Variants in TEX14 observed in about 807,000 individuals in gnomAD.
TEX14 encodes testis expressed 14, intercellular bridge forming factor.
Under a neutral mutation model 178.6 loss-of-function variants are expected in TEX14, and 168 were observed. That is an observed-to-expected ratio of 0.94 (90% CI 0.83 to 1.07). TEX14 has a LOEUF of 1.07. TEX14 is among the 50% of genes least tolerant of loss of function. The probability of loss-of-function intolerance (pLI) is 0.00; values close to 1 mark genes in which losing one functional copy is unlikely to be tolerated. For synonymous variants in TEX14, 626 were observed against 634.1 expected, an observed-to-expected ratio of 0.99 and a Z score of 0.19; for missense variants, 1,730 against 1,753.6, an observed-to-expected ratio of 0.99 and a Z score of 0.24.
chr17:58,623,634 A>G (rs2046056249), intron 3 of TEX14, among the ~76,000 whole-genome samples: 1 of 152,174 alleles, frequency 6.6e-6, no homozygotes, highest in Admixed American at 6.6e-5. Context: ...TGGTGAGGAT[A>G]TGATGTATAG....
At chr17:58,604,916 G>A in intron 11 of TEX14, 62 bp downstream of exon 11, 1 of 1,568,654 alleles carries the variant, frequency 6.4e-7, no homozygotes, top group Non-Finnish European at 8.8e-7. Flanking sequence ...AACTCCTGTG[G>A]GGGGAGAAAA....
chr17:58,567,515 A>T (rs2044427624), intron 26 of TEX14, among the ~76,000 whole-genome samples: 1 of 152,208 alleles, frequency 6.6e-6, no homozygotes, highest in African/African-American at 2.4e-5. Flanking sequence ...TCTGTATCCT[A>T]GTTCTAAAGA....
intron 6 of TEX14, 78 bp downstream of exon 6, chr17:58,617,460 T>TG (rs1481673105): frequency 9.6e-7 from 1 of 1,038,892 alleles, no homozygotes; most frequent in African/African-American, 1.6e-5. Flanking sequence ...AGGCAGGAGT[T>TG]GGACAAAGGT....
chr17:58,557,590 ACT>A (rs2044170519), intron 31 of TEX14, among the ~76,000 whole-genome samples: 1 of 151,676 alleles, frequency 6.6e-6, no homozygotes, highest in African/African-American at 2.4e-5. Context: ...TCTTATGCTG[ACT>A]CTATCACTTA....
Position 58,623,010 on chromosome 17 carries a change from C to T in TEX14, c.254G>A (p.Arg85His), listed in dbSNP as rs761592042. Residue 85 changes from arginine to histidine, a missense_variant and splice_region_variant, in exon 4 of 32, where the codon CGC becomes CAC. Physicochemically the swap from Arg to His is conservative, Grantham distance 29. Coordinates refer to ENST00000349033, the MANE Select transcript of TEX14 (RefSeq NM_031272.5). ...GACAGGGGTGCTCCCATCAAAGCAG[C>T]GGCTGGGGAGGGAGATGAGTACAAT... ...LVDYGSDPNH[R>H]CFDGSTPVHA... 53 of 1,587,728 alleles carry T rather than the reference C, an allele frequency of 3.3e-5. No homozygotes were observed. The highest frequency in any genetic ancestry group is 1.2e-4 in the Admixed American group (7 of 59,586).
chr17:58,595,392 C>A (rs1349426663), intron 14 of TEX14, among the ~76,000 whole-genome samples: 1 of 152,118 alleles, frequency 6.6e-6, no homozygotes, highest in East Asian at 1.9e-4. Flanking sequence ...CCCTCCTGTC[C>A]ACCCTGCCAC....
chr17:58,601,541 A>G (rs1016713353), intron 13 of TEX14, among the ~76,000 whole-genome samples: 1 of 151,838 alleles, frequency 6.6e-6, no homozygotes, highest in African/African-American at 2.4e-5. Context: ...AAAAAAGAAA[A>G]AAATTAGCCC....
intron 17 of TEX14, among the ~76,000 whole-genome samples, chr17:58,586,466 G>C (rs1305277088): frequency 6.6e-6 from 1 of 152,140 alleles, no homozygotes; most frequent in African/African-American, 2.4e-5. Context: ...ACTACACTGA[G>C]CTCATATTTT....
chr17:58,564,769 C>G (rs2044361780), intron 28 of TEX14, 100 bp downstream of exon 28: 1 of 647,378 alleles, frequency 1.5e-6, no homozygotes, highest in Non-Finnish European at 2.5e-6. Flanking sequence ...TGAAAAAAGA[C>G]CCCACTTTTT....
intron 7 of TEX14, 33 bp from the exon 8 acceptor site, chr17:58,615,378 G>T: frequency 1.5e-6 from 2 of 1,333,170 alleles, no homozygotes; most frequent in South Asian, 2.3e-5. Flanking sequence ...CAGCAGAAAG[G>T]AGTGAGCAGC....
chr17:58,574,675 C>CAAAAA (rs1177255314), intron 21 of TEX14, among the ~76,000 whole-genome samples: 1 of 43,888 alleles, frequency 2.3e-5, no homozygotes. Flanking sequence ...ACTCCATCTC[C>CAAAAA]AAAAAAAAAA....
At chr17:58,640,716 G>C (rs982652190) in intron 2 of TEX14, among the ~76,000 whole-genome samples, 2 of 151,588 alleles carry the variant, frequency 1.3e-5, no homozygotes, top group African/African-American at 4.8e-5. Flanking sequence ...AGAGAGACGT[G>C]GTGGCTATTT....
chr17:58,659,681 G>A (rs1208498722), intron 1 of TEX14, among the ~76,000 whole-genome samples: 2 of 152,088 alleles, frequency 1.3e-5, no homozygotes, highest in Non-Finnish European at 2.9e-5. Flanking sequence ...TATAATAGAA[G>A]TAACTTTTGT....
Position 58,557,791 on chromosome 17 carries a change from T to A in TEX14, c.4319+8A>T. On this transcript the variant is annotated splice_region_variant and intron_variant, in intron 31 of 31. Transcript: ENST00000349033. ...CTTTTGATCTACAAACATCTGATAT[T>A]TCATTACCTGGATGATTCGGACCAA... The A allele has an allele frequency of 6.2e-7, 1 of 1,608,448 alleles. No homozygotes were observed. Among genetic ancestry groups the A allele is most frequent in the Non-Finnish European group, 8.5e-7 (1 of 1,176,518 alleles).
At chr17:58,651,026 G>A (rs551909518) in intron 2 of TEX14, among the ~76,000 whole-genome samples, 1 of 152,310 alleles carries the variant, frequency 6.6e-6, no homozygotes, top group South Asian at 2.1e-4. Context: ...CTAGCACTTT[G>A]AGAGGCTGAG....
chr17:58,592,569 C>T (rs1448628732), intron 15 of TEX14, among the ~76,000 whole-genome samples: 1 of 151,364 alleles, frequency 6.6e-6, no homozygotes, highest in Non-Finnish European at 1.5e-5. Context: ...CTCCTGACCT[C>T]GTGATCTGCC....
chr17:58,569,870 G>A lies in TEX14; in HGVS notation c.3817+515C>T, dbSNP rs2044480876. Among the ~76,000 whole-genome samples the A allele has an allele frequency of 6.6e-6, 1 of 152,150 alleles. No individual in the cohort carries two copies. Among genetic ancestry groups the A allele is most frequent in the Non-Finnish European group, 1.5e-5 (1 of 68,036 alleles). On this transcript the variant is annotated intron_variant, in intron 25 of 31. Coordinates refer to ENST00000349033, the MANE Select transcript of TEX14 (RefSeq NM_031272.5). This position sits in a 1 kb window ranked among gnomAD's most constrained non-coding sequence, Gnocchi z 4.1. Reference sequence around the variant, plus strand: ...GACTGCTAATATTCTCAGACCTTGTGATTTGGAAACTGTCTTCTAAGAATC... The same window carrying A: ...GACTGCTAATATTCTCAGACCTTGTAATTTGGAAACTGTCTTCTAAGAATC...
chr17:58,642,716 G>T (rs558313266), intron 2 of TEX14, among the ~76,000 whole-genome samples: 1 of 151,894 alleles, frequency 6.6e-6, no homozygotes, highest in Admixed American at 6.6e-5. Context: ...TCCTATCTCT[G>T]GTCTGGGCCC....
chr17:58,579,488 G>C (rs1324564090), intron 20 of TEX14, among the ~76,000 whole-genome samples, 177 bp downstream of exon 20: 1 of 152,208 alleles, frequency 6.6e-6, no homozygotes, highest in Non-Finnish European at 1.5e-5. Context: ...GGTTGGTGAG[G>C]AGGAAGGGAT....
Sources: allele counts gnomAD v4.1 joint callset (sites outside exome capture counted in the v4.1 genomes callset), GRCh38; gene constraint gnomAD v4.1.1; non-coding constraint Gnocchi (gnomAD v3.1); transcripts MANE v1.5; gene names NCBI Gene and HGNC (gene_info 2026-07-23, HGNC 2026-07-21).